Variants in FARSB observed in about 807,000 individuals in gnomAD.
FARSB encodes phenylalanyl-tRNA synthetase subunit beta.
Under a neutral mutation model 69.6 loss-of-function variants are expected in FARSB, and 40 were observed. That is an observed-to-expected ratio of 0.57 (90% confidence interval 0.45 to 0.75). The LOEUF (loss-of-function observed/expected upper bound fraction) is 0.75, where lower values mean the gene tolerates loss of function less well. Ranked by LOEUF, FARSB falls within the 30% of genes least tolerant of loss-of-function variation. FARSB has a pLI of 0.00. For synonymous variants in FARSB, 235 were observed against 247.2 expected, an observed-to-expected ratio of 0.95 and a Z score of 0.46; for missense variants, 632 against 722.9, an observed-to-expected ratio of 0.87 and a Z score of 1.44.
At chr2:222,648,998 G>C (rs1333082614) in intron 1 of FARSB, among the ~76,000 whole-genome samples, 1 of 151,922 alleles carries the variant, frequency 6.6e-6, no homozygotes, top group Non-Finnish European at 1.5e-5. Context: ...AGGCCAATGT[G>C]TGTGGATCAT....
intron 15 of FARSB, among the ~76,000 whole-genome samples, chr2:222,604,722 ATTTTTTTTTTT>A (rs56201038): frequency 5.4e-5 from 6 of 110,716 alleles, no homozygotes; most frequent in African/African-American, 2.0e-4. Context: ...TGCCCACTGA[ATTTTTTTTTTT>A]TTTTTTTTTT....
In FARSB at chr2:222,655,500, G is replaced by A. The variant is rs75829832; in HGVS notation, c.58+516C>T. On this transcript the variant is annotated intron_variant, in intron 1 of 16. Coordinates refer to ENST00000281828, the MANE Select transcript of FARSB (RefSeq NM_005687.5). ...GTCTGCCTCCATCAGACAGAACGTG[G>A]ACCTGACGTGTCGTGTGCACAGCTC... Among the ~76,000 whole-genome samples, 90 of 152,290 alleles carry A rather than the reference G, an allele frequency of 5.9e-4. 1 individual carries two copies. The East Asian group carries it at 0.016, about 27-fold the overall frequency.
Position 222,571,976 on chromosome 2 carries a change from A to C in FARSB, c.1665T>G (p.Gly555=). 1 of 1,613,928 alleles carries C rather than the reference A, an allele frequency of 6.2e-7. No homozygotes were observed. The highest frequency in any genetic ancestry group is 2.2e-5 in the East Asian group (1 of 44,872). ...PGRCAEIFAR[G]QSVGKLGVLH... ...GGACCCCAAGCTTCCCGACGCTTTG[A>C]CCCCTGGCAAAGATCTCTGCACATC... is the stretch of plus-strand genomic sequence containing the variant. Residue 555 remains glycine, a synonymous_variant, in exon 17 of 17, where the codon GGT becomes GGG. Transcript: ENST00000281828.
chr2:222,581,662 G>A (rs761414968), intron 16 of FARSB, among the ~76,000 whole-genome samples: 2 of 152,174 alleles, frequency 1.3e-5, no homozygotes, highest in Non-Finnish European at 2.9e-5. Flanking sequence ...GGAGTCAAAA[G>A]ACAGTTGACA....
intron 16 of FARSB, among the ~76,000 whole-genome samples, chr2:222,586,579 T>C (rs1333736876): frequency 6.6e-6 from 1 of 151,814 alleles, no homozygotes; most frequent in Non-Finnish European, 1.5e-5. Context: ...TTGGATAGAA[T>C]CAAGACCCAT....
chr2:222,610,725 C>T (rs1222406604), intron 15 of FARSB, among the ~76,000 whole-genome samples: 1 of 152,204 alleles, frequency 6.6e-6, no homozygotes, highest in Non-Finnish European at 1.5e-5. Context: ...CAAACACCAA[C>T]AGTTCTTATT....
intron 12 of FARSB, among the ~76,000 whole-genome samples, chr2:222,623,954 CA>C (rs1171831122): frequency 6.6e-6 from 1 of 152,134 alleles, no homozygotes; most frequent in Non-Finnish European, 1.5e-5. Context: ...CACAGATGTA[CA>C]AACCACCCCC....
chr2:222,647,943 C>T (rs1412930779), intron 2 of FARSB, among the ~76,000 whole-genome samples: 1 of 152,092 alleles, frequency 6.6e-6, no homozygotes, highest in Non-Finnish European at 1.5e-5. Context: ...GGGCCACATC[C>T]CCAGTTTCTG....
At position 222,645,252 on chromosome 2, in the gene FARSB, C is replaced by A. The variant is rs73991568; in HGVS notation, c.115-2247G>T. Among the ~76,000 whole-genome samples the A allele has an allele frequency of 4.2e-3, 635 of 152,298 alleles. 8 individuals are homozygous for A. Among genetic ancestry groups the A allele is most frequent in the African/African-American group, 0.015 (610 of 41,568 alleles). On this transcript the variant is annotated intron_variant, in intron 2 of 16. Transcript: ENST00000281828. ...GGCAAAGTAATTGTCCATAGTTACA[C>A]AGCTAGTAAATGTTAGAACTAGAAC...
rs760371066 is a variant in FARSB, at chr2:222,624,723, A to C, written c.953T>G (p.Val318Gly). The C allele has an allele frequency of 1.5e-5, 24 of 1,604,024 alleles. No individual in the cohort carries two copies. In the East Asian group the frequency reaches 5.1e-4, roughly 34 times the overall value. Residue 318 changes from valine to glycine, a missense_variant, in exon 11 of 17, where the codon GTT becomes GGT. By Grantham distance (109) the Val-to-Gly change is moderately radical. Coordinates refer to ENST00000281828, the MANE Select transcript of FARSB (RefSeq NM_005687.5). ...AGTTTTCAGAGCATACCTGATTCCA[A>C]CTTTTTTGTTAATTAGGTCAGCTCT... The part of the protein sequence containing the change: ...MVRADLINKK[V>G]GIRETPENLA...
intron 16 of FARSB, among the ~76,000 whole-genome samples, chr2:222,586,384 C>T (rs191067236): frequency 7.4e-4 from 112 of 152,212 alleles, no homozygotes; most frequent in African/African-American, 2.7e-3. Flanking sequence ...AAGGAACAAC[C>T]GGTACCAGCC....
At chr2:222,645,302 A>G (rs1691820444) in intron 2 of FARSB, among the ~76,000 whole-genome samples, 1 of 152,188 alleles carries the variant, frequency 6.6e-6, no homozygotes, top group Non-Finnish European at 1.5e-5. Context: ...ATCCAGTCCA[A>G]CACTCTTAGA....
Position 222,630,152 on chromosome 2 carries a change from A to G in FARSB, c.809T>C (p.Ile270Thr). Residue 270 changes from isoleucine to threonine, a missense_variant, in exon 9 of 17, where the codon ATT becomes ACT. Transcript: ENST00000281828. ...ACAATATTCACTGAACATGGTGACA[A>G]TAATATCAAGAACTATTTTTGCCTG... ...FTKAKIVLDI[I>T]VTMFSEYCEN... The G allele has an allele frequency of 1.9e-6, 3 of 1,553,400 alleles. No homozygotes were observed. The South Asian group carries it at 3.7e-5, about 19-fold the overall frequency.
chr2:222,617,010 T>G (rs1291437256), intron 14 of FARSB, among the ~76,000 whole-genome samples: 1 of 27,828 alleles, frequency 3.6e-5, no homozygotes, highest in East Asian at 3.0e-4. Context: ...TTTTTTTTTT[T>G]TGAGACGGAG....
At chr2:222,626,150 G>A (rs539314996) in intron 10 of FARSB, among the ~76,000 whole-genome samples, 6 of 150,120 alleles carry the variant, frequency 4.0e-5, no homozygotes, top group African/African-American at 1.2e-4. Context: ...TCGGGAGGCT[G>A]AGGCAGGAGA....
intron 16 of FARSB, among the ~76,000 whole-genome samples, chr2:222,593,365 C>A (rs1400277500): frequency 6.6e-6 from 1 of 152,054 alleles, no homozygotes; most frequent in Non-Finnish European, 1.5e-5. Flanking sequence ...TAAATGTGTG[C>A]AAGAACACTG....
chr2:222,591,607 C>T (rs984449114), intron 16 of FARSB, among the ~76,000 whole-genome samples: 3 of 152,188 alleles, frequency 2.0e-5, no homozygotes, highest in African/African-American at 7.2e-5. Flanking sequence ...CATTCATAAA[C>T]TTCTTCATTT....
chr2:222,591,269 T>G (rs529276888), intron 16 of FARSB, among the ~76,000 whole-genome samples: 1 of 152,030 alleles, frequency 6.6e-6, no homozygotes, highest in East Asian at 1.9e-4. Context: ...ACCATCAATG[T>G]TCTGGCAGAC....
intron 16 of FARSB, among the ~76,000 whole-genome samples, chr2:222,588,184 T>C (rs1388633778): frequency 6.6e-6 from 1 of 152,208 alleles, no homozygotes; most frequent in Non-Finnish European, 1.5e-5. Context: ...GCTTCATCCC[T>C]GGGATGCAAG....
Sources: gnomAD v4.1 joint callset for allele counts (sites outside exome capture counted in the v4.1 genomes callset) on GRCh38, gnomAD v4.1.1 for gene constraint, MANE v1.5 for transcripts, NCBI Gene and HGNC (gene_info 2026-07-23, HGNC 2026-07-21) for gene names.